Variants in HNRNPAB observed in about 807,000 individuals in gnomAD.
HNRNPAB encodes the protein ABBP-1.
In HNRNPAB, 17 loss-of-function variants were observed where a neutral mutation model predicts 44.1. The ratio of observed to expected loss-of-function variants is 0.39; its 90% CI spans 0.26 to 0.58. The LOEUF (loss-of-function observed/expected upper bound fraction) is 0.58. Ranked by LOEUF, HNRNPAB falls within the 20% of genes least tolerant of loss-of-function variation. The pLI is 0.63. For missense variants in HNRNPAB, 393 were observed against 432.7 expected, an observed-to-expected ratio of 0.91 and a Z score of 0.81; for synonymous variants, 183 against 167.6, an observed-to-expected ratio of 1.09 and a Z score of -0.71.
At chr5:178,205,774 C>A in intron 2 of HNRNPAB, 68 bp from the exon 3 acceptor site, 1 of 1,507,186 alleles carries the variant, frequency 6.6e-7, no homozygotes, top group Non-Finnish European at 9.1e-7. Flanking sequence ...TTTGCCAGGG[C>A]CAGTCCTTTC....
chr5:178,205,763 C>G, intron 2 of HNRNPAB, 79 bp from the exon 3 acceptor site: 1 of 1,430,700 alleles, frequency 7.0e-7, no homozygotes, highest in Non-Finnish European at 9.6e-7. Flanking sequence ...TTCGTGAGAA[C>G]TTTGCCAGGG....
chr5:178,210,896 T>A lies in HNRNPAB; in HGVS notation c.*273T>A. 2 of 509,040 alleles carry A rather than the reference T, an allele frequency of 3.9e-6. No homozygotes were observed. Among genetic ancestry groups the A allele is most frequent in the Admixed American group, 3.6e-5 (1 of 28,108 alleles). 31.5% of individuals were successfully genotyped at this position (509,040 alleles called of 1,614,324 possible). On this transcript the variant is annotated 3_prime_UTR_variant, in exon 8 of 8. Coordinates refer to ENST00000358344, the MANE Select transcript of HNRNPAB (RefSeq NM_031266.3). Reference sequence around the variant, plus strand: ...GAAGCAGGTGGGAGGCTCTGCTTCCTGCTGCCGCTCTGCAGCCTGGACCTG... The same window carrying A: ...GAAGCAGGTGGGAGGCTCTGCTTCCAGCTGCCGCTCTGCAGCCTGGACCTG...
At chr5:178,205,216 T>C (rs1046696744) in intron 2 of HNRNPAB, among the ~76,000 whole-genome samples, 170 bp downstream of exon 2, 6 of 150,672 alleles carry the variant, frequency 4.0e-5, no homozygotes, top group African/African-American at 1.5e-4. Context: ...CCACTCGCGC[T>C]GGAGTTTGCG....
Position 178,210,885 on chromosome 5 carries a change from G to GCT in HNRNPAB, c.*265_*266dup. 1.9e-6 allele frequency: 1 copy of GCT among 522,028 alleles called. No homozygotes were observed. Among genetic ancestry groups the GCT allele is most frequent in the Non-Finnish European group, 3.4e-6 (1 of 291,904 alleles). The allele number at this position is 522,028 out of a possible 1,614,324, so 32.3% of individuals were successfully genotyped here. The stretch of plus-strand genomic sequence containing the variant: ...CAGGTCCCCCAGAAGCAGGTGGGAG[G>GCT]CTCTGCTTCCTGCTGCCGCTCTGCA... On this transcript the variant is annotated 3_prime_UTR_variant, in exon 8 of 8. Coordinates refer to ENST00000358344, the MANE Select transcript of HNRNPAB (RefSeq NM_031266.3).
At chr5:178,206,631 A>T in intron 3 of HNRNPAB, 101 bp from the exon 4 acceptor site, 1 of 1,184,838 alleles carries the variant, frequency 8.4e-7, no homozygotes, top group African/African-American at 1.5e-5. Context: ...GAGGGGGTGA[A>T]ACACATGTTT....
intron 3 of HNRNPAB, 91 bp from the exon 4 acceptor site, chr5:178,206,641 T>C: frequency 2.4e-6 from 3 of 1,270,082 alleles, no homozygotes; most frequent in Non-Finnish European, 3.3e-6. Context: ...AACACATGTT[T>C]GTATCTGTAC....
At chr5:178,210,095 A>G (rs745976698) in intron 6 of HNRNPAB, 37 bp from the exon 7 acceptor site, 85 of 1,607,956 alleles carry the variant, frequency 5.3e-5, no homozygotes, top group Non-Finnish European at 6.5e-5. Context: ...CGTATGCTAA[A>G]TGGTCCACGG....
intron 7 of HNRNPAB, 43 bp from the exon 8 acceptor site, chr5:178,210,510 A>T (rs1408092960): frequency 6.3e-7 from 1 of 1,591,812 alleles, no homozygotes; most frequent in African/African-American, 1.3e-5. Context: ...GCACAGGGCA[A>T]ATGCTTGTAA....
chr5:178,210,401 A>AT, intron 7 of HNRNPAB, 129 bp downstream of exon 7: 2 of 1,557,586 alleles, frequency 1.3e-6, no homozygotes, highest in Non-Finnish European at 1.7e-6. Flanking sequence ...GAGCTACTTG[A>AT]TTTTGAGCCT....
chr5:178,207,376 GTGTTC>G, intron 5 of HNRNPAB, 151 bp downstream of exon 5: 1 of 902,280 alleles, frequency 1.1e-6, no homozygotes, highest in Non-Finnish European at 1.7e-6. Flanking sequence ...GATTGGGGCA[GTGTTC>G]CAATCCTTGA....
At chr5:178,205,290 C>T (rs571468994) in intron 2 of HNRNPAB, among the ~76,000 whole-genome samples, 1 of 151,386 alleles carries the variant, frequency 6.6e-6, no homozygotes, top group African/African-American at 2.4e-5. Flanking sequence ...GGGCCAGGGC[C>T]AGGGCCGGAG....
At chr5:178,205,137 T>TGGCCCGGGTCGGGGCTGGTGCGGCCC (rs1380974252) in intron 2 of HNRNPAB, 91 bp downstream of exon 2, 1 of 992,408 alleles carries the variant, frequency 1.0e-6, no homozygotes, top group East Asian at 4.0e-5. Context: ...GGCGGCGGCC[T>TGGCCCGGGTCGGGGCTGGTGCGGCCC]GGCCCGGGTC....
chr5:178,205,760 G>A (rs982192832), intron 2 of HNRNPAB, 82 bp from the exon 3 acceptor site: 32 of 1,382,078 alleles, frequency 2.3e-5, no homozygotes, highest in Non-Finnish European at 1.0e-6. Context: ...GACTTCGTGA[G>A]AACTTTGCCA....
rs770532947 is a variant in HNRNPAB, at chr5:178,210,253, C to T, written c.909C>T (p.Tyr303=). The T allele has an allele frequency of 3.8e-5, 62 of 1,613,800 alleles. No individual in the cohort carries two copies. Among genetic ancestry groups the T allele is most frequent in the South Asian group, 1.5e-4 (14 of 91,078 alleles). The stretch of plus-strand genomic sequence containing the variant: ...ACTCGCCCTATGGCTATTACGGCTA[C>T]GGCCCCGGCTACGACTACAGTAAGT... The part of the protein sequence containing the change: ...YDYSPYGYYG[Y]GPGYDYSQGS... The change falls in exon 7 of 8, where the codon TAC becomes TAT. Residue 303 remains tyrosine (Y), a synonymous_variant. Coordinates refer to ENST00000358344, the MANE Select transcript of HNRNPAB (RefSeq NM_031266.3).
chr5:178,205,701 A>G, intron 2 of HNRNPAB, 141 bp from the exon 3 acceptor site: 3 of 734,010 alleles, frequency 4.1e-6, no homozygotes, highest in Non-Finnish European at 6.7e-6. Flanking sequence ...GGTAGTGGAG[A>G]TTTAACATCT....
chr5:178,206,721 T>C lies in HNRNPAB; in HGVS notation c.379-11T>C. ...CTGCTGAGTCAGCCTGACCCCTTTC[T>C]GTTGGAACAGGTCCTAGACCAGAAG... is the stretch of plus-strand genomic sequence containing the variant. On this transcript the variant is annotated splice_polypyrimidine_tract_variant and intron_variant, in intron 3 of 7. Transcript: ENST00000358344. The C allele has an allele frequency of 1.9e-6, 3 of 1,613,086 alleles. No homozygotes were observed. In the Admixed American group the frequency reaches 5.0e-5, roughly 27 times the overall value.
chr5:178,210,744 T>G lies in HNRNPAB; in HGVS notation c.*121T>G, dbSNP rs752013182. ...ATTGCCTGTCCCATGTGCATCTTAT[T>G]TAAAATTTCCCCCATGGAAATCACT... On this transcript the variant is annotated 3_prime_UTR_variant, in exon 8 of 8. Transcript: ENST00000358344. The G allele has an allele frequency of 1.7e-4, 126 of 762,124 alleles. No homozygotes were observed. Among genetic ancestry groups the G allele is most frequent in the Non-Finnish European group, 2.6e-4 (114 of 439,092 alleles). The allele number at this position is 762,124 out of a possible 1,614,324, so 47.2% of individuals were successfully genotyped here. A position where few individuals can be genotyped will look rare whatever the true frequency, so the allele number is the denominator to read the frequency against.
Position 178,205,056 on chromosome 5 carries a change from G to A in HNRNPAB, c.209+10G>A. ...ACGAGGAGGACGCGGGGTAGGTGCGGCCGCGGGCGGACGGGGGCGCCGCCT... is the reference window on the plus strand; with the variant it reads ...ACGAGGAGGACGCGGGGTAGGTGCGACCGCGGGCGGACGGGGGCGCCGCCT... On this transcript the variant is annotated intron_variant, in intron 2 of 7. Coordinates refer to ENST00000358344, the MANE Select transcript of HNRNPAB (RefSeq NM_031266.3). 8.3e-7 allele frequency: 1 copy of A among 1,203,888 alleles called. No homozygotes were observed. The allele number at this position is 1,203,888 out of a possible 1,614,324, so 74.6% of individuals were successfully genotyped here.
rs1757528805 is a variant in HNRNPAB at position 178,209,539 on chromosome 5, C to T, written c.787+92C>T. 4 of 1,068,380 alleles carry T rather than the reference C, an allele frequency of 3.7e-6. No homozygotes were observed. The Admixed American group carries it at 5.8e-5, about 15-fold the overall frequency. The allele number at this position is 1,068,380 out of a possible 1,614,324, so 66.2% of individuals were successfully genotyped here. ...TGGGGCTCCCTCTGGTGCTGTGCAG[C>T]AGGGGTGGGCAGATTGTGTGAGGTT... On this transcript the variant is annotated intron_variant, in intron 6 of 7. Coordinates refer to ENST00000358344, the MANE Select transcript of HNRNPAB (RefSeq NM_031266.3).
Sources: allele counts gnomAD v4.1 joint callset (sites outside exome capture counted in the v4.1 genomes callset), GRCh38; gene constraint gnomAD v4.1.1; transcripts MANE v1.5; gene names NCBI Gene and HGNC (gene_info 2026-07-23, HGNC 2026-07-21).